The following PTK2B variants were observed in gnomAD, a reference collection of about 807,000 sequenced individuals.
The protein encoded by PTK2B is protein tyrosine kinase 2 beta.
PTK2B carries 71 observed loss-of-function variants against 142.9 expected under a neutral mutation model. The ratio of observed to expected loss-of-function variants is 0.50; its 90% CI spans 0.41 to 0.61. The LOEUF (loss-of-function observed/expected upper bound fraction) is 0.61. Among genes scored for constraint, PTK2B ranks in the 20% least tolerant of loss-of-function variants. The pLI, the probability that PTK2B is intolerant of heterozygous loss-of-function variation, is 0.00. For missense variants in PTK2B, 1,105 were observed against 1,320.4 expected (o/e 0.84, Z 2.53); for synonymous variants, 519 against 503.4 (o/e 1.03, Z -0.42).
intron 1 of PTK2B, among the ~76,000 whole-genome samples, chr8:27,341,501 G>T (rs981663012): frequency 3.9e-5 from 6 of 152,208 alleles, no homozygotes; most frequent in Non-Finnish European, 8.8e-5. Context: ...ACTCCCAAAA[G>T]AGCTGAGTGA....
At chr8:27,425,074 A>G (rs569931897) in intron 5 of PTK2B, among the ~76,000 whole-genome samples, 1 of 124,200 alleles carries the variant, frequency 8.1e-6, no homozygotes, top group East Asian at 2.1e-4. Context: ...TTGTGTTACT[A>G]TAAAACACGT....
chr8:27,359,024 T>G (rs1360998284), intron 1 of PTK2B, among the ~76,000 whole-genome samples: 1 of 152,234 alleles, frequency 6.6e-6, no homozygotes, highest in Non-Finnish European at 1.5e-5. Flanking sequence ...TAGTATTATC[T>G]TCTTTTCAAC....
upstream of PTK2B, chr8:27,323,504 G>A (rs1460268577): frequency 6.6e-6 from 1 of 152,192 alleles, no homozygotes; most frequent in African/African-American, 2.4e-5. Context: ...GAAGTAGAAG[G>A]GAAATATTTT....
chr8:27,338,772 C>G (rs1804227140), intron 1 of PTK2B, among the ~76,000 whole-genome samples: 2 of 152,312 alleles, frequency 1.3e-5, no homozygotes, highest in Middle Eastern at 3.4e-3. Flanking sequence ...TGGATATAAA[C>G]TTTCTCCTTT....
In PTK2B at chr8:27,451,154, A is replaced by G. The variant is rs1325638277; in HGVS notation, c.2523+76A>G. ...TCGCCCACCATAGGACCCCCCGCCC[A>G]ACTTGCTCCTACCCCCAGGCCTGCC... On this transcript the variant is annotated intron_variant, in intron 26 of 30. Coordinates refer to ENST00000346049, the MANE Select transcript of PTK2B (RefSeq NM_173176.3). 58 of 1,515,344 alleles carry G rather than the reference A, an allele frequency of 3.8e-5. No individual in the cohort carries two copies. In the Middle Eastern group the frequency reaches 8.8e-4, roughly 23 times the overall value. 93.9% of individuals were successfully genotyped at this position (1,515,344 alleles called of 1,614,324 possible). A position where few individuals can be genotyped will look rare whatever the true frequency, so the allele number is the denominator to read the frequency against.
chr8:27,448,648 C>T (rs894220886), intron 24 of PTK2B, among the ~76,000 whole-genome samples: 2 of 152,218 alleles, frequency 1.3e-5, no homozygotes, highest in Admixed American at 6.5e-5. Flanking sequence ...TCTAGTAGCT[C>T]ATCCAACTGG....
chr8:27,431,120 C>T (rs1354969170), intron 8 of PTK2B, 104 bp downstream of exon 8: 34 of 1,518,398 alleles, frequency 2.2e-5, no homozygotes, highest in Non-Finnish European at 8.9e-7. Context: ...TGCAGATTCT[C>T]ACTCAGGCAG....
intron 1 of PTK2B, among the ~76,000 whole-genome samples, chr8:27,327,792 C>T (rs1419930292): frequency 6.6e-6 from 1 of 152,192 alleles, no homozygotes; most frequent in African/African-American, 2.4e-5. Context: ...GCTTCTCTGA[C>T]CCTCAGAATC....
At chr8:27,457,998 A>G (rs1563310064) in intron 30 of PTK2B, among the ~76,000 whole-genome samples, 1 of 54,646 alleles carries the variant, frequency 1.8e-5, no homozygotes, top group Non-Finnish European at 3.8e-5. Flanking sequence ...AAAAAAAAAA[A>G]GATCAGATTC....
chr8:27,420,575 T>C, intron 3 of PTK2B, 82 bp from the exon 4 acceptor site: 1 of 1,347,394 alleles, frequency 7.4e-7, no homozygotes, highest in Non-Finnish European at 1.1e-6. Context: ...GGGGATGGGC[T>C]TGCTTCTGCC....
At position 27,331,939 on chromosome 8, in the gene PTK2B, C is replaced by T. The variant is rs529981571; in HGVS notation, c.-38+6258C>T. 2.0e-5 allele frequency among the ~76,000 whole-genome samples: 3 copies of T among 152,188 alleles called. No individual in the cohort carries two copies. The South Asian group carries it at 6.2e-4, about 32-fold the overall frequency. ...CCCAGCTCCATGTACCCAGTCCCCGCCCCCAGGTCCCACCCCAGGTAGGTT... is the reference window on the plus strand; with the variant it reads ...CCCAGCTCCATGTACCCAGTCCCCGTCCCCAGGTCCCACCCCAGGTAGGTT... On this transcript the variant is annotated intron_variant, in intron 1 of 30. Coordinates refer to ENST00000346049, the MANE Select transcript of PTK2B (RefSeq NM_173176.3).
chr8:27,381,973 G>A (rs114830888), intron 1 of PTK2B, among the ~76,000 whole-genome samples: 264 of 152,144 alleles, frequency 1.7e-3, no homozygotes, highest in African/African-American at 5.7e-3. Context: ...TTTCTGAGAC[G>A]GAGTCTCACT....
At chr8:27,365,377 A>G (rs1586168537) in intron 1 of PTK2B, among the ~76,000 whole-genome samples, 1 of 152,312 alleles carries the variant, frequency 6.6e-6, no homozygotes, top group Non-Finnish European at 1.5e-5. Flanking sequence ...CCCTAGCCCG[A>G]GGGAAGGCAG....
rs146863297 is a variant in PTK2B at position 27,438,952 on chromosome 8, ATCTG to A, written c.1644-72_1644-69del. The A allele has an allele frequency of 2.5e-3, 3,334 of 1,321,078 alleles. 64 individuals are homozygous for A. In the African/African-American group the frequency reaches 0.044, roughly 17 times the overall value. The allele number at this position is 1,321,078 out of a possible 1,614,324, so 81.8% of individuals were successfully genotyped here. On this transcript the variant is annotated intron_variant, in intron 18 of 30. Transcript: ENST00000346049. ...GCTTAGATTCTTGGTCTCTTTTTCC[ATCTG>A]TCTGTCCATCTCTCTGTTCCTGCTC...
intron 1 of PTK2B, among the ~76,000 whole-genome samples, chr8:27,395,731 G>A (rs1563249693): frequency 1.3e-5 from 2 of 152,174 alleles, no homozygotes; most frequent in African/African-American, 4.8e-5. Context: ...AGAGTTCCCA[G>A]TAGGATTAAA....
At chr8:27,399,835 G>C (rs1420247235) in intron 2 of PTK2B, among the ~76,000 whole-genome samples, 9 of 152,180 alleles carry the variant, frequency 5.9e-5, no homozygotes, top group Non-Finnish European at 1.2e-4. Flanking sequence ...GCCAAGTCCT[G>C]CTCCATCCTT....
upstream of PTK2B, chr8:27,311,037 C>T: frequency 6.2e-7 from 1 of 1,602,070 alleles, no homozygotes; most frequent in South Asian, 1.1e-5. Context: ...CGCAGGTCGG[C>T]GGGTGACGCG....
Position 27,397,560 on chromosome 8 carries a change from C to G in PTK2B, c.-25C>G. 2 of 1,610,560 alleles carry G rather than the reference C, an allele frequency of 1.2e-6. No homozygotes were observed. Among genetic ancestry groups the G allele is most frequent in the Non-Finnish European group, 1.7e-6 (2 of 1,178,162 alleles). On this transcript the variant is annotated 5_prime_UTR_variant, in exon 2 of 31. Coordinates refer to ENST00000346049, the MANE Select transcript of PTK2B (RefSeq NM_173176.3). ...GCTGTCTCTGCAGGACTGCAATGTG[C>G]CGATCTTAGCTGCTGCCTGAGAGGA...
At chr8:27,347,931 G>C (rs941183943) in intron 1 of PTK2B, among the ~76,000 whole-genome samples, 5 of 152,188 alleles carry the variant, frequency 3.3e-5, no homozygotes, top group African/African-American at 7.2e-5. Context: ...ATGCCAAGCA[G>C]GTGTCCAGTC....
Sources: allele counts gnomAD v4.1 joint callset (sites outside exome capture counted in the v4.1 genomes callset), GRCh38; gene constraint gnomAD v4.1.1; transcripts MANE v1.5; gene names NCBI Gene and HGNC (gene_info 2026-07-23, HGNC 2026-07-21).